TENM2: variants seen among roughly 807,000 people sequenced by gnomAD.
TENM2 encodes the protein teneurin-2.
TENM2 carries 52 observed loss-of-function variants against 245.2 expected under a neutral mutation model. The ratio of observed to expected loss-of-function variants is 0.21; its 90% CI spans 0.17 to 0.27. The LOEUF (loss-of-function observed/expected upper bound fraction) is 0.27, where lower values mean the gene tolerates loss of function less well. Ranked by LOEUF, TENM2 falls within the 10% of genes least tolerant of loss-of-function variation. The pLI is 1.00. For synonymous variants in TENM2, 1,363 were observed against 1,438.9 expected (o/e 0.95, Z 1.19); for missense variants, 3,046 against 3,666.8 (o/e 0.83, Z 4.37).
chr5:168,253,452 G>T (rs1767331124), intron 27 of TENM2, among the ~76,000 whole-genome samples: 1 of 138,214 alleles, frequency 7.2e-6, no homozygotes, highest in Non-Finnish European at 1.5e-5. Context: ...TTGAGACAGA[G>T]TCTCACTCTG....
the TENM2 span, among the ~76,000 whole-genome samples, chr5:167,127,305 G>A: frequency 7.9e-5 from 12 of 152,074 alleles, no homozygotes; most frequent in Non-Finnish European, 1.0e-4. Context: ...CAATTTAGAC[G>A]CAGCTTTCCC....
chr5:167,392,669 A>G (rs907687475), intron 2 of TENM2, among the ~76,000 whole-genome samples: 6 of 152,148 alleles, frequency 3.9e-5, no homozygotes, highest in African/African-American at 1.2e-4. Context: ...ATTTTATAAT[A>G]TCTCTTCATT....
the TENM2 span, among the ~76,000 whole-genome samples, chr5:167,147,403 G>A: frequency 7.9e-5 from 12 of 152,052 alleles, no homozygotes; most frequent in Admixed American, 4.6e-4. Flanking sequence ...GTGGGTATTC[G>A]GATGTTGATG....
intron 2 of TENM2, among the ~76,000 whole-genome samples, chr5:167,848,877 T>A (rs950088182): frequency 6.6e-6 from 1 of 152,232 alleles, no homozygotes; most frequent in East Asian, 1.9e-4. Flanking sequence ...CTAGATTAGA[T>A]GGACCACTTA....
chr5:167,595,946 T>C (rs191393553), intron 2 of TENM2, among the ~76,000 whole-genome samples: 1 of 152,302 alleles, frequency 6.6e-6, no homozygotes, highest in African/African-American at 2.4e-5. Context: ...AGTGACTGTT[T>C]GGTTTAAATG....
At chr5:167,865,323 G>A (rs1354241274) in intron 2 of TENM2, among the ~76,000 whole-genome samples, 1 of 151,846 alleles carries the variant, frequency 6.6e-6, no homozygotes. Flanking sequence ...CTGCAGTCCA[G>A]GCCAGAGTGG....
the TENM2 span, among the ~76,000 whole-genome samples, chr5:167,108,682 TA>T: frequency 6.6e-6 from 1 of 152,212 alleles, no homozygotes; most frequent in Non-Finnish European, 1.5e-5. Flanking sequence ...CTTGCACAAG[TA>T]GGTTCTCATC....
chr5:167,349,882 T>C (rs1018630181), intron 1 of TENM2, among the ~76,000 whole-genome samples: 1 of 151,750 alleles, frequency 6.6e-6, no homozygotes, highest in Non-Finnish European at 1.5e-5. Context: ...CAATATTGCC[T>C]ATATTGAAAA....
chr5:167,033,222 T>C, the TENM2 span, among the ~76,000 whole-genome samples: 1 of 152,242 alleles, frequency 6.6e-6, no homozygotes, highest in Non-Finnish European at 1.5e-5. Context: ...TGCACATCTA[T>C]AATTCACATC....
At chr5:168,119,017 C>A (rs1490456661) in intron 10 of TENM2, among the ~76,000 whole-genome samples, 1 of 152,130 alleles carries the variant, frequency 6.6e-6, no homozygotes, top group African/African-American at 2.4e-5. Context: ...TAATCTAAGG[C>A]CCGTGTATGT....
chr5:167,297,016 C>T (rs1428591948), intron 1 of TENM2, among the ~76,000 whole-genome samples: 1 of 152,210 alleles, frequency 6.6e-6, no homozygotes, highest in Non-Finnish European at 1.5e-5. Context: ...AAATCCCAAT[C>T]TGTGGCAGGG....
At chr5:167,716,957 T>A (rs1441150957) in intron 2 of TENM2, among the ~76,000 whole-genome samples, 3 of 148,490 alleles carry the variant, frequency 2.0e-5, no homozygotes, top group African/African-American at 7.7e-5. Flanking sequence ...TTCTATTCTA[T>A]TTTATTTTAT....
chr5:167,844,862 A>G (rs74552869), intron 2 of TENM2, among the ~76,000 whole-genome samples: 6 of 150,842 alleles, frequency 4.0e-5, no homozygotes, highest in Non-Finnish European at 4.4e-5. Flanking sequence ...AAAAAAAAAA[A>G]TCCTTCGTAG....
Position 167,970,181 on chromosome 5 carries a change from A to G in TENM2, c.947+17359A>G, listed in dbSNP as rs565081175. On this transcript the variant is annotated intron_variant, in intron 4 of 28. Coordinates refer to ENST00000518659, the Ensembl canonical transcript of TENM2. The stretch of plus-strand genomic sequence containing the variant: ...AGGGGGTTTACAGCTGATTCCAATA[A>G]GAAGTCGAAAAAATTAAGTTTCACT... 7.2e-5 allele frequency among the ~76,000 whole-genome samples: 11 copies of G among 152,346 alleles called. No individual in the cohort carries two copies. In the South Asian group the frequency reaches 2.1e-3, roughly 29 times the overall value.
intron 2 of TENM2, chr5:167,821,286 GGTAA>G (rs1238831679): frequency 3.3e-5 from 5 of 152,316 alleles, no homozygotes; most frequent in African/African-American, 4.8e-5. Context: ...GCTTCAGAAT[GGTAA>G]GTGTCAATTA....
intron 14 of TENM2, among the ~76,000 whole-genome samples, chr5:168,194,892 A>C (rs1417961148): frequency 1.3e-5 from 2 of 152,156 alleles, no homozygotes; most frequent in Middle Eastern, 3.2e-3. Flanking sequence ...GGACAGCCTG[A>C]AGCTCAGGCC....
At chr5:168,062,253 A>G (rs1332058674) in exon 7 of TENM2, 9 of 1,613,596 alleles carry the variant, frequency 5.6e-6, no homozygotes, top group Admixed American at 3.3e-5. Context: ...GACTTCCACC[A>G]TCTCATGCCC....
intron 2 of TENM2, among the ~76,000 whole-genome samples, chr5:167,542,926 C>T (rs968843257): frequency 1.3e-5 from 2 of 152,174 alleles, no homozygotes; most frequent in Non-Finnish European, 2.9e-5. Context: ...CTGGACTCCC[C>T]TGGGATACGT....
intron 2 of TENM2, among the ~76,000 whole-genome samples, chr5:167,597,158 TTCTTTTC>T (rs1180380071): frequency 3.8e-5 from 4 of 104,362 alleles, no homozygotes; most frequent in East Asian, 6.8e-4. Context: ...TTCTTTTCTT[TTCTTTTC>T]TTTTTTTTTT....
Sources: allele counts gnomAD v4.1 joint callset (sites outside exome capture counted in the v4.1 genomes callset), GRCh38; gene constraint gnomAD v4.1.1; transcripts MANE v1.5; gene names NCBI Gene and HGNC (gene_info 2026-07-23, HGNC 2026-07-21).